Variants in HSD17B4 observed in about 807,000 individuals in gnomAD.
HSD17B4 encodes the protein peroxisomal multifunctional enzyme type 2.
Under a neutral mutation model 101.0 loss-of-function variants are expected in HSD17B4, and 70 were observed. That is an observed-to-expected ratio of 0.69 (90% confidence interval 0.57 to 0.85). The LOEUF is 0.85. Ranked by LOEUF, HSD17B4 falls within the 40% of genes least tolerant of loss-of-function variation. HSD17B4 has a pLI of 0.00. For missense variants in HSD17B4, 984 were observed against 892.4 expected, an observed-to-expected ratio of 1.10 and a Z score of -1.31; for synonymous variants, 347 against 297.1, an observed-to-expected ratio of 1.17 and a Z score of -1.73.
intron 8 of HSD17B4, among the ~76,000 whole-genome samples, chr5:119,479,496 G>A (rs532584944): frequency 9.9e-5 from 15 of 152,156 alleles, no homozygotes; most frequent in African/African-American, 2.6e-4. Flanking sequence ...AAAGTTCGTC[G>A]TTTACACTGG....
intron 8 of HSD17B4, among the ~76,000 whole-genome samples, chr5:119,488,277 C>T (rs566963668): frequency 4.1e-4 from 63 of 152,112 alleles, no homozygotes; most frequent in Middle Eastern, 3.4e-3. Flanking sequence ...GGTTCAGTAC[C>T]AAAATCAAAG....
At chr5:119,535,140 C>T (rs945745639) in intron 22 of HSD17B4, among the ~76,000 whole-genome samples, 1 of 151,982 alleles carries the variant, frequency 6.6e-6, no homozygotes, top group Non-Finnish European at 1.5e-5. Flanking sequence ...AACTTGCAGA[C>T]ATGATGTCCC....
chr5:119,497,547 C>T (rs1466398198), intron 12 of HSD17B4, among the ~76,000 whole-genome samples: 1 of 152,186 alleles, frequency 6.6e-6, no homozygotes, highest in Non-Finnish European at 1.5e-5. Flanking sequence ...ACCATGACTT[C>T]TGGAGGTTAT....
chr5:119,526,448 T>G (rs114649156), intron 19 of HSD17B4, among the ~76,000 whole-genome samples: 2,945 of 152,036 alleles, frequency 0.019, 49 homozygotes, highest in African/African-American at 0.048. Flanking sequence ...AACTCTGTAC[T>G]TTTTAGTTGA....
intron 1 of HSD17B4, chr5:119,452,964 C>T: frequency 3.1e-6 from 3 of 967,294 alleles, no homozygotes; most frequent in African/African-American, 3.2e-5. Context: ...GTTACTCTTC[C>T]TGCAATTAAC....
chr5:119,492,709 T>A (rs965628101), intron 10 of HSD17B4: 1 of 152,044 alleles, frequency 6.6e-6, no homozygotes, highest in African/African-American at 2.4e-5. Flanking sequence ...AATAGTTATT[T>A]TAAATAACTA....
intron 2 of HSD17B4, among the ~76,000 whole-genome samples, chr5:119,458,343 T>C (rs1302120398): frequency 6.6e-6 from 1 of 151,166 alleles, no homozygotes; most frequent in Non-Finnish European, 1.5e-5. Context: ...TCACACACAC[T>C]AATTTTTTTT....
chr5:119,520,712 G>T (rs1448352802), intron 17 of HSD17B4, among the ~76,000 whole-genome samples: 3 of 151,852 alleles, frequency 2.0e-5, no homozygotes, highest in African/African-American at 7.3e-5. Flanking sequence ...TTTTCTAGTT[G>T]TTTATGGTAG....
intron 22 of HSD17B4, among the ~76,000 whole-genome samples, chr5:119,533,267 C>T (rs1456765157): frequency 5.5e-5 from 8 of 144,746 alleles, no homozygotes; most frequent in Non-Finnish European, 1.2e-4. Context: ...GTGGAGACTA[C>T]AAATATGCAT....
chr5:119,496,518 TTTTG>T (rs1750661116), intron 11 of HSD17B4, 21 bp from the exon 12 acceptor site: 1 of 1,161,670 alleles, frequency 8.6e-7, no homozygotes, highest in African/African-American at 1.5e-5. Context: ...GCTTTATTTT[TTTTG>T]TTTTTCATTT....
chr5:119,480,814 G>C (rs1462059611), intron 8 of HSD17B4, among the ~76,000 whole-genome samples: 1 of 152,178 alleles, frequency 6.6e-6, no homozygotes, highest in African/African-American at 2.4e-5. Flanking sequence ...GGCCAGTTCA[G>C]AGACCTACCC....
intron 8 of HSD17B4, among the ~76,000 whole-genome samples, chr5:119,481,192 T>C (rs922218818): frequency 1.1e-4 from 17 of 152,286 alleles, no homozygotes; most frequent in African/African-American, 3.8e-4. Context: ...GTCCATGAAA[T>C]CTTTACAATT....
chr5:119,483,927 TAGAA>T (rs1749373788), intron 8 of HSD17B4, among the ~76,000 whole-genome samples: 2 of 152,294 alleles, frequency 1.3e-5, no homozygotes, highest in South Asian at 4.1e-4. Flanking sequence ...TCTAGTTGTC[TAGAA>T]AGAGATATTT....
intron 14 of HSD17B4, among the ~76,000 whole-genome samples, chr5:119,502,471 A>C (rs1247447561): frequency 1.3e-5 from 2 of 152,144 alleles, no homozygotes; most frequent in African/African-American, 4.8e-5. Context: ...AAACAATGTT[A>C]AAAGATACAG....
At chr5:119,500,835 A>G (rs1333441803) in intron 13 of HSD17B4, among the ~76,000 whole-genome samples, 1 of 152,074 alleles carries the variant, frequency 6.6e-6, no homozygotes, top group Non-Finnish European at 1.5e-5. Context: ...GGAGGAGGGA[A>G]CAGTGGTGAG....
chr5:119,477,587 GTGAAATGATTTA>G, intron 7 of HSD17B4, 86 bp downstream of exon 7: 1 of 917,108 alleles, frequency 1.1e-6, no homozygotes, highest in South Asian at 1.3e-5. Flanking sequence ...GTGAAGTGTT[GTGAAATGATTTA>G]TGACATTGAG....
At chr5:119,482,245 A>G (rs1184621633) in intron 8 of HSD17B4, among the ~76,000 whole-genome samples, 1 of 152,044 alleles carries the variant, frequency 6.6e-6, no homozygotes, top group Non-Finnish European at 1.5e-5. Flanking sequence ...CATATCTTCA[A>G]GGTCACTGAT....
intron 11 of HSD17B4, among the ~76,000 whole-genome samples, chr5:119,494,741 T>G (rs1206847271): frequency 6.6e-6 from 1 of 152,164 alleles, no homozygotes; most frequent in Non-Finnish European, 1.5e-5. Context: ...GTATCTTGTT[T>G]GTACTTCTTG....
intron 23 of HSD17B4, among the ~76,000 whole-genome samples, chr5:119,540,009 C>A (rs1472356217): frequency 6.6e-6 from 1 of 151,790 alleles, no homozygotes; most frequent in Non-Finnish European, 1.5e-5. Flanking sequence ...GGGAGGATCA[C>A]TTGAGCCCAG....
Sources: gnomAD v4.1 joint callset for allele counts (sites outside exome capture counted in the v4.1 genomes callset) on GRCh38, gnomAD v4.1.1 for gene constraint, MANE v1.5 for transcripts, NCBI Gene and HGNC (gene_info 2026-07-23, HGNC 2026-07-21) for gene names.